Variants in FERRY3 observed in about 807,000 individuals in gnomAD.
The protein encoded by FERRY3 is protein C12orf4.
At chr12:4,502,330 C>T in the FERRY3 span, 4 of 420,924 alleles carry the variant, frequency 9.5e-6, no homozygotes, top group East Asian at 7.3e-5. The surrounding 1 kb of genome is among the most constrained non-coding windows in gnomAD (Gnocchi z 4.2). Context: ...AGAAGGTACT[C>T]GATAAGTATT....
the FERRY3 span, chr12:4,529,767 TCTA>T: frequency 9.7e-7 from 1 of 1,029,020 alleles, no homozygotes; most frequent in Non-Finnish European, 1.4e-6. Context: ...AGTTTTTTTT[TCTA>T]TCTTATCCTT....
chr12:4,505,513 T>A, the FERRY3 span: 2 of 633,740 alleles, frequency 3.2e-6, no homozygotes, highest in Middle Eastern at 5.1e-4. Flanking sequence ...TTCTGCTATA[T>A]GCTTTACATG....
chr12:4,538,275 G>T, the FERRY3 span: 11 of 152,792 alleles, frequency 7.2e-5, no homozygotes, highest in African/African-American at 2.4e-4. Flanking sequence ...CAGAGCGGAG[G>T]CTCTGAGGCT....
At chr12:4,489,577 GA>G in the FERRY3 span, 2 of 316,358 alleles carry the variant, frequency 6.3e-6, no homozygotes, top group Non-Finnish European at 1.2e-5. Context: ...ACACAGAGAA[GA>G]AAAAAAGAGA....
At chr12:4,524,686 C>T in the FERRY3 span, among the ~76,000 whole-genome samples, 4 of 152,236 alleles carry the variant, frequency 2.6e-5, no homozygotes, top group African/African-American at 9.6e-5. Flanking sequence ...ATAACAGATA[C>T]ATAGCCAGGA....
At chr12:4,520,797 T>C in the FERRY3 span, among the ~76,000 whole-genome samples, 1 of 152,108 alleles carries the variant, frequency 6.6e-6, no homozygotes, top group African/African-American at 2.4e-5. Context: ...TTTTTAAAAA[T>C]AAAGCCATAA....
the FERRY3 span, among the ~76,000 whole-genome samples, chr12:4,493,852 G>A: frequency 1.3e-5 from 2 of 152,136 alleles, no homozygotes; most frequent in Admixed American, 1.3e-4. Flanking sequence ...CAGCACTTTG[G>A]GAGGCCGAGG....
the FERRY3 span, chr12:4,530,054 C>T: frequency 1.2e-6 from 2 of 1,605,442 alleles, no homozygotes; most frequent in Non-Finnish European, 1.7e-6. Flanking sequence ...ACGTGGTCTA[C>T]AAGATAATAT....
the FERRY3 span, among the ~76,000 whole-genome samples, chr12:4,511,707 A>C: frequency 6.7e-6 from 1 of 150,078 alleles, no homozygotes; most frequent in Non-Finnish European, 1.5e-5. Context: ...CAAAGACACA[A>C]CATACCAGAA....
At chr12:4,498,322 T>G in the FERRY3 span, among the ~76,000 whole-genome samples, 1 of 152,214 alleles carries the variant, frequency 6.6e-6, no homozygotes, top group Non-Finnish European at 1.5e-5. Flanking sequence ...ATCATAAACT[T>G]TGTTACTCCC....
the FERRY3 span, among the ~76,000 whole-genome samples, chr12:4,532,085 A>T: frequency 2.0e-4 from 27 of 135,526 alleles, no homozygotes; most frequent in East Asian, 5.0e-3. Context: ...TAAATTGTGA[A>T]TTTTTTTTTT....
the FERRY3 span, among the ~76,000 whole-genome samples, chr12:4,510,076 G>T: frequency 7.2e-6 from 1 of 139,624 alleles, no homozygotes; most frequent in Non-Finnish European, 1.5e-5. Context: ...GAAAACCAAG[G>T]CTCGAGATCT....
At chr12:4,497,076 T>C in the FERRY3 span, among the ~76,000 whole-genome samples, 1 of 152,220 alleles carries the variant, frequency 6.6e-6, no homozygotes, top group Non-Finnish European at 1.5e-5. Flanking sequence ...TCAAAAGATG[T>C]CTGTTGGAAT....
chr12:4,529,861 T>C, the FERRY3 span: 1 of 1,566,008 alleles, frequency 6.4e-7, no homozygotes, highest in Non-Finnish European at 8.6e-7. Flanking sequence ...GCAAGAAATT[T>C]GAAATACCTC....
the FERRY3 span, among the ~76,000 whole-genome samples, chr12:4,524,177 T>A: frequency 6.6e-6 from 1 of 152,118 alleles, no homozygotes; most frequent in African/African-American, 2.4e-5. Flanking sequence ...CAATATACAG[T>A]ATATATTTTA....
the FERRY3 span, chr12:4,490,736 A>T: frequency 4.2e-5 from 26 of 616,898 alleles, no homozygotes; most frequent in East Asian, 7.2e-4. Flanking sequence ...GGCTACACCT[A>T]AAGGACAGAT....
chr12:4,490,717 C>G, the FERRY3 span: 2 of 680,258 alleles, frequency 2.9e-6, no homozygotes, highest in South Asian at 3.7e-5. Flanking sequence ...GCCATTTGCT[C>G]GTAGGATAGG....
At chr12:4,506,612 T>C in the FERRY3 span, among the ~76,000 whole-genome samples, 7 of 152,160 alleles carry the variant, frequency 4.6e-5, no homozygotes, top group African/African-American at 1.7e-4. Context: ...TATGAACAAA[T>C]AGAATCTCTG....
At chr12:4,506,742 G>A in the FERRY3 span, among the ~76,000 whole-genome samples, 1 of 152,014 alleles carries the variant, frequency 6.6e-6, no homozygotes, top group Admixed American at 6.6e-5. Context: ...GTATATAAAT[G>A]TGTATAAACA....
Sources: gnomAD v4.1 joint callset for allele counts (sites outside exome capture counted in the v4.1 genomes callset) on GRCh38, gnomAD v4.1.1 for gene constraint, Gnocchi (gnomAD v3.1) non-coding constraint, MANE v1.5 for transcripts, NCBI Gene and HGNC (gene_info 2026-07-23, HGNC 2026-07-21) for gene names.